Variants in PSMA3 observed in about 807,000 individuals in gnomAD.
PSMA3 encodes proteasome 20S subunit alpha 3.
PSMA3 carries 8 observed loss-of-function variants against 40.0 expected under a neutral mutation model. That is an observed-to-expected ratio of 0.20 (90% CI 0.12 to 0.36). The LOEUF (loss-of-function observed/expected upper bound fraction) is 0.36, where lower values mean the gene tolerates loss of function less well. Ranked by LOEUF, PSMA3 falls within the 10% of genes least tolerant of loss-of-function variation. The pLI is 1.00. For synonymous variants in PSMA3, 110 were observed against 100.0 expected (o/e 1.10, Z -0.59); for missense variants, 219 against 310.6 (o/e 0.70, Z 2.22).
rs1890606057 is a variant in PSMA3 at position 58,271,111 on chromosome 14, A to C, written c.723+113A>C. On this transcript the variant is annotated intron_variant, in intron 10 of 10. Transcript: ENST00000216455. ...GCAAGACCCCCATCCCTAATTTAAAAAAAAAAAAATTCTCTAACCAAAATT... is the reference window on the plus strand; with the variant it reads ...GCAAGACCCCCATCCCTAATTTAAACAAAAAAAAATTCTCTAACCAAAATT... 5 of 594,628 alleles carry C rather than the reference A, an allele frequency of 8.4e-6. No individual in the cohort carries two copies. In the East Asian group the frequency reaches 1.3e-4, roughly 15 times the overall value. The allele number at this position is 594,628 out of a possible 1,614,324, so 36.8% of individuals were successfully genotyped here.
At chr14:58,270,385 A>C in intron 8 of PSMA3, 33 bp from the exon 9 acceptor site, 2 of 1,611,990 alleles carry the variant, frequency 1.2e-6, no homozygotes, top group Non-Finnish European at 1.7e-6. Flanking sequence ...TTTGGAGGTT[A>C]CCAAAATCTT....
chr14:58,263,571 T>G (rs1890344317), intron 6 of PSMA3, 134 bp from the exon 7 acceptor site: 4 of 642,058 alleles, frequency 6.2e-6, no homozygotes, highest in Non-Finnish European at 1.0e-5. Context: ...CAGAATGTGT[T>G]TGACTATATT....
chr14:58,249,235 C>T (rs945323609), intron 2 of PSMA3, among the ~76,000 whole-genome samples: 1 of 152,058 alleles, frequency 6.6e-6, no homozygotes, highest in Non-Finnish European at 1.5e-5. Context: ...GCTGGGATTA[C>T]AGGCATGAGC....
chr14:58,266,457 A>G (rs57384253), intron 7 of PSMA3: 2 of 152,150 alleles, frequency 1.3e-5, no homozygotes, highest in African/African-American at 2.4e-5. Context: ...CTGTTCAGAA[A>G]TGCCTGTCTA....
In PSMA3 at chr14:58,260,940, T is replaced by C. The variant is rs945541076; in HGVS notation, c.405-8T>C. The C allele has an allele frequency of 3.1e-6, 5 of 1,601,024 alleles. No individual in the cohort carries two copies. The highest frequency in any genetic ancestry group is 4.3e-6 in the Non-Finnish European group (5 of 1,170,406). ...CATGGTTTAAGCTGTTTGTATACTT[T>C]CATGCAGTTTCATGTTAGGGTCTTA... On this transcript the variant is annotated splice_region_variant and splice_polypyrimidine_tract_variant and intron_variant, in intron 5 of 10. Transcript: ENST00000216455.
rs1334989401 is a variant in PSMA3, at chr14:58,257,763, G to A, written c.247G>A (p.Ala83Thr). The A allele has an allele frequency of 5.0e-6, 8 of 1,611,548 alleles. No homozygotes were observed. The part of the protein sequence containing the change: ...HVGMAVAGLL[A>T]DARSLADIAR... ...TTTTCAGGCAGTAGCAGGTTTGTTG[G>A]CAGATGCTCGTTCTTTAGCAGACAT... Residue 83 changes from alanine (A) to threonine (T), a missense_variant, in exon 4 of 11, where the codon GCA becomes ACA. Transcript: ENST00000216455.
At chr14:58,246,015 C>G (rs1889872473) in intron 1 of PSMA3, among the ~76,000 whole-genome samples, 1 of 152,170 alleles carries the variant, frequency 6.6e-6, no homozygotes, top group African/African-American at 2.4e-5. Flanking sequence ...GTATTTCATT[C>G]TACAAACCTT....
Position 58,244,893 on chromosome 14 carries a change from C to A in PSMA3, c.-28C>A, listed in dbSNP as rs187984170. ...AGGGGAAGCGCTCCGGGCCTGGAATCCCTACGCGTCCCTTTGGGTTTAGCA... is the reference window on the plus strand; with the variant it reads ...AGGGGAAGCGCTCCGGGCCTGGAATACCTACGCGTCCCTTTGGGTTTAGCA... On this transcript the variant is annotated 5_prime_UTR_variant, in exon 1 of 11. Transcript: ENST00000216455. The A allele has an allele frequency of 1.9e-6, 3 of 1,614,084 alleles. No individual in the cohort carries two copies.
At chr14:58,271,798 T>A (rs1451927639) in intron 10 of PSMA3, 53 bp from the exon 11 acceptor site, 1 of 1,326,584 alleles carries the variant, frequency 7.5e-7, no homozygotes, top group Non-Finnish European at 1.1e-6. Flanking sequence ...CCCACAGGTG[T>A]GGGATATAAC....
At chr14:58,262,949 A>G (rs968190583) in intron 6 of PSMA3, among the ~76,000 whole-genome samples, 4 of 148,084 alleles carry the variant, frequency 2.7e-5, no homozygotes, top group African/African-American at 7.5e-5. Flanking sequence ...ATTCTTAAAT[A>G]TATTTTGCTG....
chr14:58,263,837 A>C (rs148098652), intron 7 of PSMA3, 67 bp downstream of exon 7: 3 of 1,429,492 alleles, frequency 2.1e-6, no homozygotes, highest in Non-Finnish European at 3.0e-6. Flanking sequence ...ATCACCACAG[A>C]CATTTCAGTC....
intron 2 of PSMA3, among the ~76,000 whole-genome samples, chr14:58,250,095 C>G (rs1296651451): frequency 1.3e-5 from 2 of 152,080 alleles, no homozygotes; most frequent in South Asian, 2.1e-4. Flanking sequence ...CAGTGCGCGC[C>G]TGTAATCCCA....
chr14:58,248,615 T>A (rs970833266), intron 2 of PSMA3, among the ~76,000 whole-genome samples: 3 of 152,178 alleles, frequency 2.0e-5, no homozygotes, highest in African/African-American at 7.2e-5. Context: ...AGGAAATATC[T>A]TTAAAAAATT....
At chr14:58,245,092 C>G (rs887467295) in intron 1 of PSMA3, 151 bp downstream of exon 1, 1 of 944,354 alleles carries the variant, frequency 1.1e-6, no homozygotes, top group Non-Finnish European at 1.7e-6. Context: ...GACCGGTCGT[C>G]TTTATCCCCT....
chr14:58,257,638 T>G (rs1890174981), intron 3 of PSMA3, 107 bp from the exon 4 acceptor site: 1 of 964,226 alleles, frequency 1.0e-6, no homozygotes, highest in African/African-American at 1.7e-5. Context: ...AAGTTTATTT[T>G]GAATGGTAAT....
rs1890638474 is a variant in PSMA3 at position 58,271,932 on chromosome 14, C to T, written c.*37C>T. On this transcript the variant is annotated 3_prime_UTR_variant, in exon 11 of 11. Transcript: ENST00000216455. ...GCATCTATTGTATTTTAAATTTCTA[C>T]TCCAGTCCAATGTAACTATTTAGCC... 7.0e-7 allele frequency: 1 copy of T among 1,438,182 alleles called. No homozygotes were observed. Among genetic ancestry groups the T allele is most frequent in the Non-Finnish European group, 9.8e-7 (1 of 1,023,284 alleles). 89.1% of individuals were successfully genotyped at this position (1,438,182 alleles called of 1,614,324 possible).
intron 8 of PSMA3, chr14:58,270,106 A>G (rs1430209930): frequency 9.2e-6 from 2 of 218,088 alleles, no homozygotes; most frequent in Non-Finnish European, 1.8e-5. Context: ...TTGGTCTCCC[A>G]AAGTGTTGGG....
chr14:58,252,248 G>C lies in PSMA3; in HGVS notation c.228+6G>C. ...TTGATCGGCATGTTGGAATGGTAAGGTCATGTTTAAAATGTTCCTTTTTGT... is the reference window on the plus strand; with the variant it reads ...TTGATCGGCATGTTGGAATGGTAAGCTCATGTTTAAAATGTTCCTTTTTGT... On this transcript the variant is annotated splice_donor_region_variant and intron_variant, in intron 3 of 10. Transcript: ENST00000216455. 6.2e-7 allele frequency: 1 copy of C among 1,603,812 alleles called. No individual in the cohort carries two copies.
chr14:58,270,214 G>A, intron 8 of PSMA3: 1 of 686,714 alleles, frequency 1.5e-6, no homozygotes, highest in East Asian at 3.5e-5. Context: ...TTCAACATTT[G>A]TCGGGAGAGT....
Sources: gnomAD v4.1 joint callset for allele counts (sites outside exome capture counted in the v4.1 genomes callset) on GRCh38, gnomAD v4.1.1 for gene constraint, MANE v1.5 for transcripts, NCBI Gene and HGNC (gene_info 2026-07-23, HGNC 2026-07-21) for gene names.